XKR4: variants seen among roughly 807,000 people sequenced by gnomAD.
XKR4 encodes XK related 4.
XKR4 carries 12 observed loss-of-function variants against 53.9 expected under a neutral mutation model. That is an observed-to-expected ratio of 0.22 (90% confidence interval 0.14 to 0.36). The LOEUF is 0.36. Ranked by LOEUF, XKR4 falls within the 10% of genes least tolerant of loss-of-function variation. The pLI is 1.00. For missense variants in XKR4, 799 were observed against 859.5 expected, an observed-to-expected ratio of 0.93 and a Z score of 0.88; for synonymous variants, 354 against 362.4, an observed-to-expected ratio of 0.98 and a Z score of 0.26.
intron 2 of XKR4, among the ~76,000 whole-genome samples, chr8:55,477,051 C>A (rs1328447115): frequency 6.6e-6 from 1 of 152,118 alleles, no homozygotes; most frequent in Non-Finnish European, 1.5e-5. Flanking sequence ...AGTATTGGTT[C>A]TCCCAGCACG....
intron 1 of XKR4, among the ~76,000 whole-genome samples, chr8:55,331,861 T>A (rs1331522353): frequency 1.3e-5 from 2 of 152,168 alleles, no homozygotes; most frequent in Non-Finnish European, 2.9e-5. Flanking sequence ...ACAGACAGCA[T>A]GTAATTGGGT....
intron 2 of XKR4, among the ~76,000 whole-genome samples, chr8:55,512,597 C>T (rs1450499278): frequency 6.6e-6 from 1 of 152,224 alleles, no homozygotes; most frequent in Non-Finnish European, 1.5e-5. Context: ...ACTGATTTTT[C>T]AGTTCCTCTA....
chr8:55,436,535 T>G (rs528647271), intron 2 of XKR4, among the ~76,000 whole-genome samples: 3 of 152,350 alleles, frequency 2.0e-5, no homozygotes, highest in Admixed American at 6.5e-5. Flanking sequence ...TTTCCATTAC[T>G]TCGGAAAAAC....
chr8:55,450,568 G>A lies in XKR4; in HGVS notation c.1007-72713G>A. On this transcript the variant is annotated intron_variant, in intron 2 of 2. Transcript: ENST00000327381. ...AGCGGGACACGTGGTGGTAGCCGAG[G>A]AACTTGAGATAGAACTGGCTGAACT... The A allele has an allele frequency of 8.3e-6, 6 of 723,710 alleles. No individual in the cohort carries two copies. In the South Asian group the frequency reaches 8.6e-5, roughly 10 times the overall value. 44.8% of individuals were successfully genotyped at this position (723,710 alleles called of 1,614,324 possible). A position where few individuals can be genotyped will look rare whatever the true frequency, so the allele number is the denominator to read the frequency against.
At position 55,530,966 on chromosome 8, in the gene XKR4, ATAGT is replaced by A. The variant is rs1806944649; in HGVS notation, c.*6740_*6743del. 6.6e-6 allele frequency: 1 copy of A among 152,156 alleles called. No individual in the cohort carries two copies. Among genetic ancestry groups the A allele is most frequent in the East Asian group, 1.9e-4 (1 of 5,198 alleles). 9.4% of individuals were successfully genotyped at this position (152,156 alleles called of 1,614,324 possible). ...AAGGAAAGTTGCACTGGAATAGCTC[ATAGT>A]CTGGCTATTAGCAGCACAATCATAG... On this transcript the variant is annotated 3_prime_UTR_variant, in exon 3 of 3. Coordinates refer to ENST00000327381, the MANE Select transcript of XKR4 (RefSeq NM_052898.2).
chr8:55,274,097 C>T (rs1312262684), intron 1 of XKR4, among the ~76,000 whole-genome samples: 1 of 152,192 alleles, frequency 6.6e-6, no homozygotes, highest in African/African-American at 2.4e-5. Context: ...TGAGCAAGTT[C>T]AGGACCTGAA....
chr8:55,222,306 T>C (rs527794373), intron 1 of XKR4, among the ~76,000 whole-genome samples: 6 of 152,388 alleles, frequency 3.9e-5, no homozygotes, highest in African/African-American at 1.4e-4. Flanking sequence ...ACTTTTCTAG[T>C]CTATTTTATT....
chr8:55,204,919 G>C (rs902572413), intron 1 of XKR4, among the ~76,000 whole-genome samples: 1 of 152,114 alleles, frequency 6.6e-6, no homozygotes, highest in Non-Finnish European at 1.5e-5. Flanking sequence ...CTCCCAACAG[G>C]GGCACTGTTA....
intron 1 of XKR4, among the ~76,000 whole-genome samples, chr8:55,179,376 T>C (rs909905413): frequency 6.6e-6 from 1 of 152,192 alleles, no homozygotes; most frequent in Non-Finnish European, 1.5e-5. Context: ...TCAAAATTTC[T>C]TTCAGTTCTA....
At chr8:55,199,597 T>A (rs1817552592) in intron 1 of XKR4, among the ~76,000 whole-genome samples, 2 of 152,228 alleles carry the variant, frequency 1.3e-5, no homozygotes, top group African/African-American at 4.8e-5. Flanking sequence ...AGTTTCAGAG[T>A]TCATAAGTAA....
intron 2 of XKR4, among the ~76,000 whole-genome samples, chr8:55,427,600 A>C (rs1039898470): frequency 4.6e-5 from 7 of 152,236 alleles, no homozygotes; most frequent in Admixed American, 3.3e-4. Context: ...AAATTAAGAC[A>C]ACAGAAAGAG....
At chr8:55,394,680 T>C (rs1804490100) in intron 2 of XKR4, among the ~76,000 whole-genome samples, 1 of 152,176 alleles carries the variant, frequency 6.6e-6, no homozygotes, top group South Asian at 2.1e-4. Flanking sequence ...TTTCACCAGC[T>C]ATTCCATAAG....
At chr8:55,105,101 T>C (rs1816122019) in intron 1 of XKR4, among the ~76,000 whole-genome samples, 1 of 152,230 alleles carries the variant, frequency 6.6e-6, no homozygotes, top group South Asian at 2.1e-4. Context: ...GTAATTTTTT[T>C]TACAGATTGA....
intron 1 of XKR4, among the ~76,000 whole-genome samples, chr8:55,109,700 G>A (rs1275966113): frequency 6.6e-6 from 1 of 151,894 alleles, no homozygotes; most frequent in African/African-American, 2.4e-5. Context: ...ACTTCACAAG[G>A]GTAAATATTT....
At position 55,102,380 on chromosome 8, in the gene XKR4, C is replaced by A; in HGVS notation, c.-109C>A. 7.7e-7 allele frequency: 1 copy of A among 1,306,678 alleles called. No individual in the cohort carries two copies. Among genetic ancestry groups the A allele is most frequent in the Non-Finnish European group, 9.9e-7 (1 of 1,011,616 alleles). The allele number at this position is 1,306,678 out of a possible 1,614,324, so 80.9% of individuals were successfully genotyped here. A position where few individuals can be genotyped will look rare whatever the true frequency, so the allele number is the denominator to read the frequency against. On this transcript the variant is annotated 5_prime_UTR_variant, in exon 1 of 3. Transcript: ENST00000327381. This position sits in a 1 kb window ranked among gnomAD's most constrained non-coding sequence, Gnocchi z 5.1. ...GACGCAGGAGCAGGAGGAGGGGGAG[C>A]CGCACCGCCTGGGAGGGAAGCCGGG...
At chr8:55,397,476 CT>C (rs1253436575) in intron 2 of XKR4, among the ~76,000 whole-genome samples, 1 of 152,128 alleles carries the variant, frequency 6.6e-6, no homozygotes, top group Non-Finnish European at 1.5e-5. Flanking sequence ...AGCTTGTGAC[CT>C]GAAAGCAACA....
chr8:55,439,990 G>T (rs1011458932), intron 2 of XKR4, among the ~76,000 whole-genome samples: 1 of 152,144 alleles, frequency 6.6e-6, no homozygotes, highest in African/African-American at 2.4e-5. Flanking sequence ...ATGCAGAGAA[G>T]GATGAAGCCA....
chr8:55,213,045 G>A (rs1189644632), intron 1 of XKR4, among the ~76,000 whole-genome samples: 3 of 152,164 alleles, frequency 2.0e-5, no homozygotes, highest in Non-Finnish European at 2.9e-5. Flanking sequence ...CAGGACACTC[G>A]TAAGTCTGGG....
At chr8:55,337,478 G>A (rs1436211141) in intron 1 of XKR4, among the ~76,000 whole-genome samples, 1 of 152,166 alleles carries the variant, frequency 6.6e-6, no homozygotes, top group Non-Finnish European at 1.5e-5. Context: ...GTGTAATGAA[G>A]GCTGCTCAGA....
Sources: gnomAD v4.1 joint callset for allele counts (sites outside exome capture counted in the v4.1 genomes callset) on GRCh38, gnomAD v4.1.1 for gene constraint, Gnocchi (gnomAD v3.1) non-coding constraint, MANE v1.5 for transcripts, NCBI Gene and HGNC (gene_info 2026-07-23, HGNC 2026-07-21) for gene names.